The following GPR19 variants were observed in gnomAD, a reference collection of about 807,000 sequenced individuals.
GPR19 encodes probable G protein-coupled receptor 19.
A neutral mutation model predicts 28.5 loss-of-function variants in GPR19; 14 were observed. The observed-to-expected ratio is 0.49, with a 90% CI of 0.32 to 0.77. The LOEUF (loss-of-function observed/expected upper bound fraction) is 0.77, where lower values mean the gene tolerates loss of function less well. Ranked by LOEUF, GPR19 falls within the 30% of genes least tolerant of loss-of-function variation. GPR19 has a pLI of 0.03. For missense variants in GPR19, 409 were observed against 504.1 expected (o/e 0.81, Z 1.81); for synonymous variants, 173 against 184.1 (o/e 0.94, Z 0.49).
chr12:12,687,838 G>A (rs1946117560), intron 2 of GPR19, among the ~76,000 whole-genome samples: 2 of 152,142 alleles, frequency 1.3e-5, no homozygotes, highest in South Asian at 4.2e-4. Flanking sequence ...TGTGCCTGTG[G>A]TCCCAGCAAC....
At chr12:12,707,030 TG>T in the GPR19 span, among the ~76,000 whole-genome samples, 10 of 152,278 alleles carry the variant, frequency 6.6e-5, no homozygotes, top group African/African-American at 2.4e-4. Flanking sequence ...TTTACATGAT[TG>T]GGGTCTCTAC....
intron 2 of GPR19, among the ~76,000 whole-genome samples, chr12:12,687,662 C>T (rs574958205): frequency 1.3e-5 from 2 of 152,172 alleles, no homozygotes; most frequent in Non-Finnish European, 2.9e-5. Flanking sequence ...GGGGATAGTA[C>T]TGAGAAAGTG....
At chr12:12,697,035 A>G (rs1032471387), upstream of GPR19, among the ~76,000 whole-genome samples, 1 of 151,986 alleles carries the variant, frequency 6.6e-6, no homozygotes, top group Non-Finnish European at 1.5e-5. Flanking sequence ...TTAGTTACTT[A>G]TTTAGAATGT....
chr12:12,676,570 T>C (rs1339420018), intron 3 of GPR19, among the ~76,000 whole-genome samples: 4 of 152,186 alleles, frequency 2.6e-5, no homozygotes, highest in Admixed American at 2.6e-4. Flanking sequence ...AGCCCAGCTT[T>C]CCACAGTAAT....
At position 12,662,546 on chromosome 12, in the gene GPR19, C is replaced by T. The variant is rs1945695904; in HGVS notation, c.-22-76G>A. On this transcript the variant is annotated intron_variant, in intron 3 of 3. Transcript: ENST00000651487. ...GATTGGTTATGATTACTCAGGCTAACGATCTTATTTGACATTTACATTGAT... is the reference window on the plus strand; with the variant it reads ...GATTGGTTATGATTACTCAGGCTAATGATCTTATTTGACATTTACATTGAT... 11 of 1,102,966 alleles carry T rather than the reference C, an allele frequency of 1.0e-5. No homozygotes were observed. In the East Asian group the frequency reaches 2.4e-4, roughly 24 times the overall value. 68.3% of individuals were successfully genotyped at this position (1,102,966 alleles called of 1,614,324 possible).
chr12:12,717,158 T>C, the GPR19 span: 3 of 1,032,994 alleles, frequency 2.9e-6, no homozygotes, highest in South Asian at 1.4e-4. Flanking sequence ...AGCAGGTTTG[T>C]TGGCAGCAGT....
chr12:12,702,266 ATAAT>A, the GPR19 span, among the ~76,000 whole-genome samples: 1 of 151,442 alleles, frequency 6.6e-6, no homozygotes, highest in Non-Finnish European at 1.5e-5. Context: ...AATAGAATAA[ATAAT>A]ATAATATTTC....
At chr12:12,695,830 CT>C (rs1364577967) in intron 1 of GPR19, among the ~76,000 whole-genome samples, 2 of 152,220 alleles carry the variant, frequency 1.3e-5, no homozygotes, top group Non-Finnish European at 2.9e-5. Context: ...CTTCATTTAT[CT>C]CTCAAATCTT....
chr12:12,697,169 A>AAAAAAAAAAAAAG (rs1187197264), upstream of GPR19, among the ~76,000 whole-genome samples: 1 of 149,408 alleles, frequency 6.7e-6, no homozygotes, highest in Non-Finnish European at 1.5e-5. Flanking sequence ...AAAAAAAAAA[A>AAAAAAAAAAAAAG]AAAAAAAAGC....
chr12:12,685,116 T>A (rs1267063333), intron 2 of GPR19: 1 of 152,196 alleles, frequency 6.6e-6, no homozygotes, highest in Non-Finnish European at 1.5e-5. Context: ...CCACACCATA[T>A]GTTTAGGGCT....
At chr12:12,666,367 T>C (rs1320433555) in intron 3 of GPR19, among the ~76,000 whole-genome samples, 1 of 152,226 alleles carries the variant, frequency 6.6e-6, no homozygotes, top group Non-Finnish European at 1.5e-5. Flanking sequence ...ATCTTGTTAG[T>C]CCTTTACTGC....
chr12:12,706,984 T>G, the GPR19 span, among the ~76,000 whole-genome samples: 1 of 152,194 alleles, frequency 6.6e-6, no homozygotes, highest in Non-Finnish European at 1.5e-5. Flanking sequence ...GCACTTCAAT[T>G]GGCATAAAAT....
chr12:12,660,989 C>T lies in GPR19; in HGVS notation c.*212G>A. The T allele has an allele frequency of 2.1e-6, 1 of 486,148 alleles. No individual in the cohort carries two copies. Among genetic ancestry groups the T allele is most frequent in the African/African-American group, 1.9e-5 (1 of 51,474 alleles). The allele number at this position is 486,148 out of a possible 1,614,324, so 30.1% of individuals were successfully genotyped here. On this transcript the variant is annotated 3_prime_UTR_variant, in exon 4 of 4. Transcript: ENST00000651487. ...AACTAATATATTAATAGTAAAAGGA[C>T]TGTTGGCTAAAGTTCAAAGTGAACG...
chr12:12,687,326 G>C (rs765302820), intron 2 of GPR19, among the ~76,000 whole-genome samples: 1 of 152,168 alleles, frequency 6.6e-6, no homozygotes, highest in African/African-American at 2.4e-5. Flanking sequence ...CCCTTAGCTT[G>C]TCATCAACCA....
chr12:12,671,222 C>G (rs1032883067), intron 3 of GPR19, among the ~76,000 whole-genome samples: 2 of 151,522 alleles, frequency 1.3e-5, no homozygotes, highest in African/African-American at 4.9e-5. Flanking sequence ...AGGAGAATTG[C>G]TTGAACCAGG....
At chr12:12,703,370 G>GT in the GPR19 span, 4 of 985,134 alleles carry the variant, frequency 4.1e-6, no homozygotes, top group Non-Finnish European at 4.8e-6. Context: ...TGGAGTATGC[G>GT]TGAGTGCGTG....
intron 3 of GPR19, among the ~76,000 whole-genome samples, chr12:12,672,728 C>T (rs1427634042): frequency 6.6e-6 from 1 of 151,136 alleles, no homozygotes. Context: ...GCCTGGGTAA[C>T]AGAACAAGAC....
intron 3 of GPR19, among the ~76,000 whole-genome samples, chr12:12,665,819 C>CAAAAAAAAAAAAAAAAAAAA (rs528302150): frequency 2.6e-5 from 2 of 75,736 alleles, no homozygotes; most frequent in Admixed American, 2.3e-4. Flanking sequence ...GACTCCGTCT[C>CAAAAAAAAAAAAAAAAAAAA]AAAAAAAAAA....
chr12:12,687,167 T>C (rs994104458), intron 2 of GPR19, among the ~76,000 whole-genome samples: 3 of 152,226 alleles, frequency 2.0e-5, no homozygotes, highest in Non-Finnish European at 4.4e-5. Flanking sequence ...GCCTTGGAGA[T>C]AGTGTTTTGG....
Sources: gnomAD v4.1 joint callset for allele counts (sites outside exome capture counted in the v4.1 genomes callset) on GRCh38, gnomAD v4.1.1 for gene constraint, MANE v1.5 for transcripts, NCBI Gene and HGNC (gene_info 2026-07-23, HGNC 2026-07-21) for gene names.